Variants in GCKR observed in about 807,000 individuals in gnomAD.
The protein encoded by GCKR is glucokinase regulator.
A neutral mutation model predicts 82.9 loss-of-function variants in GCKR; 73 were observed. That is an observed-to-expected ratio of 0.88 (90% CI 0.73 to 1.07). The LOEUF (loss-of-function observed/expected upper bound fraction) is 1.07. GCKR is among the 50% of genes least tolerant of loss of function. The pLI is 0.00. For synonymous variants in GCKR, 294 were observed against 291.8 expected (o/e 1.01, Z -0.08); for missense variants, 784 against 782.1 (o/e 1.00, Z -0.03).
At chr2:27,505,030 G>A (rs560444977) in intron 9 of GCKR, among the ~76,000 whole-genome samples, 1 of 149,730 alleles carries the variant, frequency 6.7e-6, no homozygotes, top group Non-Finnish European at 1.5e-5. Context: ...GGAGGCTGAG[G>A]CAGGAGAATC....
chr2:27,509,005 G>T (rs1031526169), intron 16 of GCKR, among the ~76,000 whole-genome samples: 5 of 152,034 alleles, frequency 3.3e-5, no homozygotes, highest in African/African-American at 1.2e-4. Flanking sequence ...ATCAGTGTGT[G>T]TGCTCTTTGC....
chr2:27,510,585 G>A (rs4425043), intron 16 of GCKR, among the ~76,000 whole-genome samples: 59,037 of 151,928 alleles, frequency 0.39, 11,793 homozygotes, highest in South Asian at 0.45. Flanking sequence ...TAAATAAAGC[G>A]TGAAGTTGCT....
intron 16 of GCKR, chr2:27,509,548 C>A (rs1212522966): frequency 4.5e-6 from 2 of 446,626 alleles, no homozygotes; most frequent in East Asian, 1.4e-4. Context: ...CTCCACATTG[C>A]CCAGGCTGTT....
intron 16 of GCKR, among the ~76,000 whole-genome samples, chr2:27,514,865 C>T (rs933005256): frequency 3.9e-5 from 6 of 152,186 alleles, no homozygotes; most frequent in African/African-American, 1.4e-4. Flanking sequence ...AAGAATGCTG[C>T]TCTCCTACAG....
At chr2:27,507,589 T>C in intron 13 of GCKR, 92 bp from the exon 14 acceptor site, 1 of 788,744 alleles carries the variant, frequency 1.3e-6, no homozygotes, top group Non-Finnish European at 2.3e-6. Flanking sequence ...TGCACAAAAG[T>C]GTTAGATCTC....
chr2:27,511,775 C>CT, intron 16 of GCKR, among the ~76,000 whole-genome samples: 1 of 151,966 alleles, frequency 6.6e-6, no homozygotes, highest in East Asian at 1.9e-4. Flanking sequence ...GTTTTGTTTT[C>CT]TTTTTTGCCT....
At chr2:27,497,083 A>C in intron 1 of GCKR, 119 bp downstream of exon 1, 1 of 1,200,032 alleles carries the variant, frequency 8.3e-7, no homozygotes, top group East Asian at 2.3e-5. Flanking sequence ...TCTTTCCCTA[A>C]TATGCCCAGA....
rs1212766924 is a variant in GCKR at position 27,497,569 on chromosome 2, A to G, written c.224A>G (p.Tyr75Cys). The change falls in exon 3 of 19, where the codon TAC becomes TGC. Residue 75 changes from tyrosine (Y) to cysteine (C), a missense_variant. Physicochemically the swap from Tyr to Cys is radical, Grantham distance 194. Transcript: ENST00000264717. ...CCTGCATATTCCCTACAGAGACTCT[A>G]CAGCGAATCCATTCTGACCACCATG... is the stretch of plus-strand genomic sequence containing the variant. ...GQALSTYQRL[Y>C]SESILTTMVQ... 3 of 1,611,244 alleles carry G rather than the reference A, an allele frequency of 1.9e-6. No individual in the cohort carries two copies. Among genetic ancestry groups the G allele is most frequent in the Non-Finnish European group, 2.5e-6 (3 of 1,177,452 alleles).
chr2:27,511,093 T>C (rs1421313756), intron 16 of GCKR, among the ~76,000 whole-genome samples: 4 of 152,102 alleles, frequency 2.6e-5, no homozygotes, highest in African/African-American at 7.2e-5. Flanking sequence ...AGTGGTGTGA[T>C]CTTGGCTCAT....
intron 16 of GCKR, among the ~76,000 whole-genome samples, chr2:27,512,954 G>T (rs1209415479): frequency 6.6e-6 from 1 of 152,156 alleles, no homozygotes; most frequent in African/African-American, 2.4e-5. Flanking sequence ...TTTTTGGCAG[G>T]AGTACTGCAT....
At chr2:27,511,082 C>A (rs1034148172) in intron 16 of GCKR, among the ~76,000 whole-genome samples, 2 of 151,982 alleles carry the variant, frequency 1.3e-5, no homozygotes, top group African/African-American at 2.4e-5. Flanking sequence ...GGCTGGAGTA[C>A]AGTGGTGTGA....
intron 4 of GCKR, 22 bp downstream of exon 4, chr2:27,498,345 T>A: frequency 1.3e-6 from 2 of 1,584,636 alleles, no homozygotes; most frequent in Non-Finnish European, 1.7e-6. Flanking sequence ...GGTCTCCAGT[T>A]TTCTTCCCCC....
intron 7 of GCKR, among the ~76,000 whole-genome samples, chr2:27,499,939 G>A (rs1046228574): frequency 2.0e-5 from 3 of 151,446 alleles, no homozygotes; most frequent in African/African-American, 4.9e-5. Flanking sequence ...TGCATTTTTA[G>A]TAGAGACAGA....
At chr2:27,503,773 T>C (rs937096145) in intron 9 of GCKR, among the ~76,000 whole-genome samples, 154 bp downstream of exon 9, 5 of 152,162 alleles carry the variant, frequency 3.3e-5, no homozygotes, top group African/African-American at 1.2e-4. Flanking sequence ...CAAATCCTAT[T>C]TTCCCATTTA....
intron 16 of GCKR, among the ~76,000 whole-genome samples, chr2:27,510,627 G>T (rs138961834): frequency 3.9e-5 from 6 of 152,130 alleles, no homozygotes; most frequent in African/African-American, 1.4e-4. Flanking sequence ...ATACTGGATA[G>T]CATCCTTATA....
At position 27,523,482 on chromosome 2, in the gene GCKR, C is replaced by T. The variant is rs1440624806; in HGVS notation, c.*43C>T. 3.1e-6 allele frequency: 5 copies of T among 1,587,446 alleles called. No individual in the cohort carries two copies. The highest frequency in any genetic ancestry group is 2.2e-5 in the East Asian group (1 of 44,808). On this transcript the variant is annotated 3_prime_UTR_variant, in exon 19 of 19. Coordinates refer to ENST00000264717, the MANE Select transcript of GCKR (RefSeq NM_001486.4). ...GGTGAAAGGGGCCCAACCCTGCCCA[C>T]TTCAGCCCAGCCCGCCCAAGGGGAC...
chr2:27,499,061 T>A, intron 5 of GCKR, 81 bp from the exon 6 acceptor site: 3 of 845,152 alleles, frequency 3.5e-6, no homozygotes, highest in Non-Finnish European at 6.2e-6. Flanking sequence ...TTTATGCGCA[T>A]CTCTTAATGT....
intron 10 of GCKR, 107 bp downstream of exon 10, chr2:27,505,943 C>T: frequency 2.6e-6 from 2 of 768,958 alleles, no homozygotes; most frequent in Non-Finnish European, 4.8e-6. Context: ...GGCAGTAAGA[C>T]TGCAGCCCAC....
intron 17 of GCKR, among the ~76,000 whole-genome samples, chr2:27,520,907 G>A (rs1266556078): frequency 1.3e-5 from 2 of 152,116 alleles, no homozygotes; most frequent in Non-Finnish European, 2.9e-5. Flanking sequence ...AGCCGGGCAT[G>A]TTGGCACAGG....
Sources: allele counts gnomAD v4.1 joint callset (sites outside exome capture counted in the v4.1 genomes callset), GRCh38; gene constraint gnomAD v4.1.1; transcripts MANE v1.5; gene names NCBI Gene and HGNC (gene_info 2026-07-23, HGNC 2026-07-21).